The following TENT5D variants were observed in gnomAD, a reference collection of about 807,000 sequenced individuals.
TENT5D encodes terminal nucleotidyltransferase 5D.
For missense variants in TENT5D, 191 were observed against 287.0 expected, an observed-to-expected ratio of 0.67 and a Z score of 2.42; for synonymous variants, 103 against 100.6, an observed-to-expected ratio of 1.02 and a Z score of -0.15.
chrX:80,387,157 C>T (rs1302580669), intron 3 of TENT5D, among the ~76,000 whole-genome samples: 1 of 112,105 alleles, frequency 8.9e-6, no homozygotes, highest in Non-Finnish European at 1.9e-5. Context: ...ATGAAGAATG[C>T]AGACAGTTCC....
At chrX:80,444,791 C>T (rs1481515289) in exon 3 of TENT5D, 6 of 122,606 alleles carry the variant, frequency 4.9e-5, no homozygotes, top group Non-Finnish European at 9.5e-5. Flanking sequence ...CAACTGTATA[C>T]CTTTACAGTA....
At chrX:80,386,368 G>C (rs1395158064) in intron 3 of TENT5D, among the ~76,000 whole-genome samples, 1 of 110,184 alleles carries the variant, frequency 9.1e-6, no homozygotes. Flanking sequence ...AGAACCCTTG[G>C]ACACAGGAAG....
intron 3 of TENT5D, among the ~76,000 whole-genome samples, chrX:80,377,704 A>T (rs1211705322): frequency 8.9e-6 from 1 of 111,993 alleles, no homozygotes; most frequent in Non-Finnish European, 1.9e-5. Context: ...ATACGTGTGC[A>T]TGTGTCTTTA....
At chrX:80,408,857 CT>C (rs1931566651) in intron 3 of TENT5D, among the ~76,000 whole-genome samples, 1 of 110,167 alleles carries the variant, frequency 9.1e-6, no homozygotes, top group Admixed American at 9.7e-5. Context: ...CAATAAAATA[CT>C]GGCAAACCGA....
At chrX:80,429,309 T>G (rs918482842) in intron 1 of TENT5D, among the ~76,000 whole-genome samples, 3 of 111,058 alleles carry the variant, frequency 2.7e-5, no homozygotes, top group African/African-American at 9.8e-5. Flanking sequence ...TGTTGTTGTT[T>G]GTTTATTTTT....
chrX:80,339,041 T>C (rs1929906439), intron 2 of TENT5D, among the ~76,000 whole-genome samples: 2 of 111,838 alleles, frequency 1.8e-5, no homozygotes, highest in African/African-American at 3.2e-5. Flanking sequence ...CCAGGTATTA[T>C]CCTTTATTTT....
intron 3 of TENT5D, among the ~76,000 whole-genome samples, chrX:80,355,451 A>G (rs1930264294): frequency 9.0e-6 from 1 of 111,687 alleles, no homozygotes; most frequent in African/African-American, 3.3e-5. Flanking sequence ...GAATATGGCA[A>G]GCCTTGGGAG....
intron 2 of TENT5D, among the ~76,000 whole-genome samples, chrX:80,441,105 G>A (rs181295385): frequency 9.0e-6 from 1 of 111,144 alleles, no homozygotes; most frequent in African/African-American, 3.2e-5. Context: ...CCATCTTTAA[G>A]GATCGATTTG....
At chrX:80,367,051 G>A (rs1454099721) in intron 3 of TENT5D, among the ~76,000 whole-genome samples, 2 of 111,385 alleles carry the variant, frequency 1.8e-5, no homozygotes, top group Non-Finnish European at 1.9e-5. Flanking sequence ...TGGCAGAGCT[G>A]GAATTTGATT....
In TENT5D at chrX:80,400,927, C is replaced by T. The variant is rs746084431; in HGVS notation, c.-141-37683C>T. 6.8e-4 allele frequency among the ~76,000 whole-genome samples: 76 copies of T among 111,206 alleles called. 5 individuals are homozygous for T. Among genetic ancestry groups the T allele is most frequent in the South Asian group, 7.6e-4 (2 of 2,637 alleles). The stretch of plus-strand genomic sequence containing the variant: ...GTTTTGGTGGCTCCATATTAATTTT[C>T]GGATTATTTTTCTATATGTTTGAAA... On this transcript the variant is annotated intron_variant, in intron 3 of 4. Transcript: ENST00000538312.
At chrX:80,376,897 A>G (rs1371625905) in intron 3 of TENT5D, among the ~76,000 whole-genome samples, 1 of 111,619 alleles carries the variant, frequency 9.0e-6, no homozygotes, top group African/African-American at 3.3e-5. Context: ...TACATAGTTA[A>G]TTACAATAGG....
chrX:80,351,135 C>T (rs774148367), intron 3 of TENT5D, among the ~76,000 whole-genome samples: 2 of 110,859 alleles, frequency 1.8e-5, no homozygotes, highest in South Asian at 7.7e-4. Flanking sequence ...GGTTGCTCTT[C>T]TCAAGGAGTA....
At chrX:80,424,271 T>A (rs1405272797) in intron 1 of TENT5D, among the ~76,000 whole-genome samples, 2 of 111,582 alleles carry the variant, frequency 1.8e-5, no homozygotes, top group Non-Finnish European at 3.8e-5. Context: ...TTAGAGTACA[T>A]GTATTAAAAT....
At chrX:80,353,631 A>G (rs1297696687) in intron 3 of TENT5D, among the ~76,000 whole-genome samples, 1 of 112,446 alleles carries the variant, frequency 8.9e-6, no homozygotes, top group Non-Finnish European at 1.9e-5. Context: ...ATGGCTGCAT[A>G]GTATTCCATG....
chrX:80,389,091 C>T (rs1931079276), intron 3 of TENT5D, among the ~76,000 whole-genome samples: 3 of 111,747 alleles, frequency 2.7e-5, no homozygotes, highest in African/African-American at 9.8e-5. Flanking sequence ...ATTCTCTGCA[C>T]CATGTGGCCA....
At chrX:80,429,920 T>C (rs1932054828) in intron 1 of TENT5D, among the ~76,000 whole-genome samples, 1 of 111,582 alleles carries the variant, frequency 9.0e-6, no homozygotes. Flanking sequence ...GTTTTTGATT[T>C]AACAAAGACA....
At chrX:80,389,892 T>C (rs1481199659) in intron 3 of TENT5D, among the ~76,000 whole-genome samples, 4 of 111,696 alleles carry the variant, frequency 3.6e-5, no homozygotes, top group Non-Finnish European at 7.5e-5. Context: ...GTAGTGTTTA[T>C]TGAGAATGGA....
At chrX:80,405,111 T>C (rs1365804000) in intron 3 of TENT5D, among the ~76,000 whole-genome samples, 1 of 112,193 alleles carries the variant, frequency 8.9e-6, no homozygotes, top group African/African-American at 3.2e-5. Flanking sequence ...GAGAGCGTTA[T>C]TATTTTTCAC....
At chrX:80,384,582 A>C (rs1191685340) in intron 3 of TENT5D, among the ~76,000 whole-genome samples, 1 of 88,388 alleles carries the variant, frequency 1.1e-5, no homozygotes, top group Non-Finnish European at 2.2e-5. Flanking sequence ...CAGGGCAATC[A>C]GGCAGGAGAA....
Sources: gnomAD v4.1 joint callset for allele counts (sites outside exome capture counted in the v4.1 genomes callset) on GRCh38, gnomAD v4.1.1 for gene constraint, MANE v1.5 for transcripts, NCBI Gene and HGNC (gene_info 2026-07-23, HGNC 2026-07-21) for gene names.